The following CRYBG1 variants were observed in gnomAD, a reference collection of about 807,000 sequenced individuals.
The protein encoded by CRYBG1 is beta/gamma crystallin domain-containing protein 1.
A neutral mutation model predicts 189.2 loss-of-function variants in CRYBG1; 139 were observed. The observed-to-expected ratio is 0.73, with a 90% CI of 0.64 to 0.85. The LOEUF (loss-of-function observed/expected upper bound fraction) is 0.85, where lower values mean the gene tolerates loss of function less well. Ranked by LOEUF, CRYBG1 falls within the 40% of genes least tolerant of loss-of-function variation. The pLI, the probability that CRYBG1 is intolerant of heterozygous loss-of-function variation, is 0.00. For missense variants in CRYBG1, 2,611 were observed against 2,675.8 expected, an observed-to-expected ratio of 0.98 and a Z score of 0.53; for synonymous variants, 1,023 against 1,017.1, an observed-to-expected ratio of 1.01 and a Z score of -0.11.
At chr6:106,418,013 C>T (rs1274130332) in intron 1 of CRYBG1, among the ~76,000 whole-genome samples, 2 of 152,238 alleles carry the variant, frequency 1.3e-5, no homozygotes, top group Non-Finnish European at 2.9e-5. Flanking sequence ...AGTGTGACAG[C>T]CTTTCTGTGT....
chr6:106,468,397 A>C (rs1772156092), intron 2 of CRYBG1, among the ~76,000 whole-genome samples: 2 of 152,258 alleles, frequency 1.3e-5, no homozygotes, highest in African/African-American at 2.4e-5. Context: ...GCGGGAAGTC[A>C]TCAGGAAATT....
chr6:106,480,141 C>T (rs968572620), intron 2 of CRYBG1, among the ~76,000 whole-genome samples: 1 of 152,090 alleles, frequency 6.6e-6, no homozygotes, highest in Non-Finnish European at 1.5e-5. Flanking sequence ...GTCTGTTTCT[C>T]AGTGACATGA....
At chr6:106,498,915 G>A (rs12193525) in intron 2 of CRYBG1, among the ~76,000 whole-genome samples, 30,757 of 151,522 alleles carry the variant, frequency 0.2, 3,547 homozygotes, top group East Asian at 0.36. Context: ...TTATTGGCAC[G>A]AACTCAGTGA....
chr6:106,375,367 C>A lies in CRYBG1; in HGVS notation c.173+14286C>A, dbSNP rs150255429. On this transcript the variant is annotated intron_variant, in intron 1 of 21. Coordinates refer to ENST00000633556, the MANE Select transcript of CRYBG1 (RefSeq NM_001371242.2). Reference sequence around the variant, plus strand: ...AGCCACTGCCCTGCAGCCTGGGAGACAGAGTGAGGCCCTGTCTTTAAGTAA... The same window carrying A: ...AGCCACTGCCCTGCAGCCTGGGAGAAAGAGTGAGGCCCTGTCTTTAAGTAA... Among the ~76,000 whole-genome samples, 171 of 151,752 alleles carry A rather than the reference C, an allele frequency of 1.1e-3. 1 individual carries two copies. The highest frequency in any genetic ancestry group is 1.9e-3 in the Non-Finnish European group (126 of 67,994).
At chr6:106,437,106 C>G (rs1346222317) in intron 1 of CRYBG1, among the ~76,000 whole-genome samples, 1 of 152,116 alleles carries the variant, frequency 6.6e-6, no homozygotes, top group Non-Finnish European at 1.5e-5. Context: ...AACAGAGAGA[C>G]CCACTTCTCT....
At chr6:106,423,695 CTTTTTT>C (rs869170326) in intron 1 of CRYBG1, among the ~76,000 whole-genome samples, 81 of 42,950 alleles carry the variant, frequency 1.9e-3, no homozygotes, top group African/African-American at 5.2e-3. Context: ...TCTCCCTCCC[CTTTTTT>C]TTTTTTTTTT....
chr6:106,517,006 C>CT (rs5878896), intron 3 of CRYBG1, among the ~76,000 whole-genome samples: 20,348 of 106,702 alleles, frequency 0.19, 2,474 homozygotes, highest in Non-Finnish European at 0.25. Context: ...ATGGTTTAGA[C>CT]TTTTTTTTTT....
At chr6:106,432,102 C>T (rs77348977) in intron 1 of CRYBG1, among the ~76,000 whole-genome samples, 1,979 of 152,266 alleles carry the variant, frequency 0.013, 43 homozygotes, top group African/African-American at 0.042. Context: ...CTTCAAAATG[C>T]CTCTTGTCTG....
At chr6:106,367,336 C>T (rs565423909) in intron 1 of CRYBG1, among the ~76,000 whole-genome samples, 1 of 152,134 alleles carries the variant, frequency 6.6e-6, no homozygotes, top group African/African-American at 2.4e-5. Flanking sequence ...CACCTGTAAT[C>T]CCAGCACTTT....
intron 10 of CRYBG1, 76 bp downstream of exon 10, chr6:106,541,697 G>A: frequency 3.0e-6 from 3 of 1,000,428 alleles, no homozygotes; most frequent in Non-Finnish European, 4.5e-6. Flanking sequence ...TGTACTTAAT[G>A]TTATTCCCAC....
chr6:106,561,444 G>T lies in CRYBG1; in HGVS notation c.6082G>T (p.Asp2028Tyr). ...GCTTCTGAGGATACAGGTCATGGAG[G>T]ATGTCGGGGCCGATGATCAGATTTG... is the stretch of plus-strand genomic sequence containing the variant. The part of the protein sequence containing the change: ...LKLLRIQVME[D>Y]VGADDQIWIY... Residue 2028 changes from aspartate (D) to tyrosine (Y), a missense_variant, in exon 20 of 22, where the codon GAT becomes TAT. Transcript: ENST00000633556. The T allele has an allele frequency of 6.2e-7, 1 of 1,614,132 alleles. No homozygotes were observed. The highest frequency in any genetic ancestry group is 8.5e-7 in the Non-Finnish European group (1 of 1,179,964).
At chr6:106,494,294 T>C (rs1326875940) in intron 2 of CRYBG1, among the ~76,000 whole-genome samples, 3 of 152,188 alleles carry the variant, frequency 2.0e-5, no homozygotes, top group Non-Finnish European at 4.4e-5. Context: ...GATGAAAAAG[T>C]TCTGGAGATC....
At chr6:106,522,924 C>A (rs147548915) in intron 4 of CRYBG1, among the ~76,000 whole-genome samples, 1 of 151,962 alleles carries the variant, frequency 6.6e-6, no homozygotes, top group East Asian at 1.9e-4. Flanking sequence ...GTGTTAGGAC[C>A]CTTTATGTTT....
chr6:106,503,839 A>C (rs1773064537), intron 2 of CRYBG1, among the ~76,000 whole-genome samples: 1 of 152,118 alleles, frequency 6.6e-6, no homozygotes, highest in South Asian at 2.1e-4. Flanking sequence ...TTTTGGGAGA[A>C]TGAAATTATA....
chr6:106,400,580 TAAC>T (rs1215337965), intron 1 of CRYBG1, among the ~76,000 whole-genome samples: 1 of 152,178 alleles, frequency 6.6e-6, no homozygotes, highest in Non-Finnish European at 1.5e-5. Context: ...CTGAATGACT[TAAC>T]AGCCTTTTAA....
chr6:106,424,765 C>A (rs1483196429), intron 1 of CRYBG1, among the ~76,000 whole-genome samples: 1 of 152,052 alleles, frequency 6.6e-6, no homozygotes. Flanking sequence ...CCCGGCCTAC[C>A]CACCTCCTCT....
chr6:106,572,007 T>TTA lies in CRYBG1; in HGVS notation c.*3441_*3442insTA. 6.2e-7 allele frequency: 1 copy of TTA among 1,611,082 alleles called. No individual in the cohort carries two copies. The highest frequency in any genetic ancestry group is 8.5e-7 in the Non-Finnish European group (1 of 1,177,458). Reference sequence around the variant, plus strand: ...AACTGCATTTTTATTTAAACAACATTAATTACAGTCTTTCCTCGTGCGTGT... The same window carrying TTA: ...AACTGCATTTTTATTTAAACAACATTTAAATTACAGTCTTTCCTCGTGCGTGT... On this transcript the variant is annotated 3_prime_UTR_variant, in exon 22 of 22. Coordinates refer to ENST00000633556, the MANE Select transcript of CRYBG1 (RefSeq NM_001371242.2).
At chr6:106,410,832 GAA>G (rs1250233765) in intron 1 of CRYBG1, among the ~76,000 whole-genome samples, 3 of 152,042 alleles carry the variant, frequency 2.0e-5, no homozygotes, top group Non-Finnish European at 4.4e-5. Context: ...GACCTGGAGG[GAA>G]ACATCACACA....
At chr6:106,398,636 G>A (rs1186516175) in intron 1 of CRYBG1, among the ~76,000 whole-genome samples, 2 of 152,118 alleles carry the variant, frequency 1.3e-5, no homozygotes, top group Non-Finnish European at 2.9e-5. Flanking sequence ...CCTCTACGCT[G>A]TCTTGAACTC....
Sources: gnomAD v4.1 joint callset for allele counts (sites outside exome capture counted in the v4.1 genomes callset) on GRCh38, gnomAD v4.1.1 for gene constraint, MANE v1.5 for transcripts, NCBI Gene and HGNC (gene_info 2026-07-23, HGNC 2026-07-21) for gene names.